Variants in ARHGEF16 observed in about 807,000 individuals in gnomAD.
ARHGEF16 encodes Rho guanine exchange factor (GEF) 16.
A neutral mutation model predicts 74.1 loss-of-function variants in ARHGEF16; 59 were observed. The ratio of observed to expected loss-of-function variants is 0.80; its 90% CI spans 0.65 to 0.99. ARHGEF16 has a LOEUF of 0.99. Ranked by LOEUF, ARHGEF16 falls within the 50% of genes least tolerant of loss-of-function variation. The pLI is 0.00. For missense variants in ARHGEF16, 948 were observed against 986.6 expected (o/e 0.96, Z 0.52); for synonymous variants, 415 against 412.6 (o/e 1.01, Z -0.07).
Position 3,467,191 on chromosome 1 carries a change from C to T in ARHGEF16, c.658C>T (p.Gln220Ter). ...AGACCCCCAGCTCTACCAGGAGATCCAGGAGCGGGGCCTGAACACCAGCCA... is the reference window on the plus strand; with the variant it reads ...AGACCCCCAGCTCTACCAGGAGATCTAGGAGCGGGGCCTGAACACCAGCCA... ...KDDPQLYQEI[Q>*]ERGLNTSQES... Residue 220 changes from glutamine (Q) to a stop codon, truncating the protein, a stop_gained, in exon 4 of 15, where the codon CAG (glutamine) becomes TAG (stop). Transcript: ENST00000378378. LOFTEE classifies it high-confidence loss of function. 6.4e-7 allele frequency: 1 copy of T among 1,550,596 alleles called. No individual in the cohort carries two copies. The highest frequency in any genetic ancestry group is 8.7e-7 in the Non-Finnish European group (1 of 1,146,812).
intron 12 of ARHGEF16, among the ~76,000 whole-genome samples, chr1:3,479,282 G>C (rs1255177162): frequency 6.6e-6 from 1 of 152,156 alleles, no homozygotes; most frequent in Non-Finnish European, 1.5e-5. Context: ...AAACGGGGTG[G>C]CCTCAGGTCC....
intron 4 of ARHGEF16, among the ~76,000 whole-genome samples, chr1:3,467,969 AG>A (rs1430328103): frequency 6.6e-6 from 1 of 152,052 alleles, no homozygotes; most frequent in Non-Finnish European, 1.5e-5. Context: ...CGCCATTCAG[AG>A]GGGCTGGCAC....
Position 3,478,581 on chromosome 1 carries a change from C to T in ARHGEF16, c.1783C>T (p.Gln595Ter). The change falls in exon 12 of 15, where the codon CAG (glutamine) becomes TAG (stop). Residue 595 changes from glutamine to a stop codon, truncating the protein, a stop_gained. Coordinates refer to ENST00000378378, the MANE Select transcript of ARHGEF16 (RefSeq NM_014448.4). LOFTEE classifies it high-confidence loss of function. Reference protein sequence around the residue: ...VTLLRNSEGRQEQLLLSSDSA... With the variant: ...VTLLRNSEGR ...CCTGCTTCGCAACAGCGAGGGCCGC[C>T]AGGAGCAGCTCCTGCTCTCCTCGGA... 2 of 1,612,184 alleles carry T rather than the reference C, an allele frequency of 1.2e-6. No homozygotes were observed. The highest frequency in any genetic ancestry group is 1.1e-5 in the South Asian group (1 of 90,986).
At chr1:3,474,960 G>T (rs1639844109) in intron 9 of ARHGEF16, among the ~76,000 whole-genome samples, 178 bp downstream of exon 9, 1 of 151,654 alleles carries the variant, frequency 6.6e-6, no homozygotes, top group Non-Finnish European at 1.5e-5. Flanking sequence ...GAGGCCCAGA[G>T]GTTCCCAGAT....
Position 3,476,385 on chromosome 1 carries a change from C to A in ARHGEF16, c.1473+323C>A, listed in dbSNP as rs766385189. On this transcript the variant is annotated intron_variant, in intron 10 of 14. Transcript: ENST00000378378. ...CAAGCCCAGGGGGCAACAGGAGTGG[C>A]CCTGTCAGTGCACTTGCCTGGGGCC... is the stretch of plus-strand genomic sequence containing the variant. Among the ~76,000 whole-genome samples, 62 of 152,298 alleles carry A rather than the reference C, an allele frequency of 4.1e-4. 1 individual carries two copies. The highest frequency in any genetic ancestry group is 6.8e-3 in the Middle Eastern group (2 of 294).
intron 10 of ARHGEF16, among the ~76,000 whole-genome samples, chr1:3,477,141 G>C (rs370964687): frequency 2.0e-5 from 3 of 151,646 alleles, no homozygotes; most frequent in Non-Finnish European, 4.4e-5. Flanking sequence ...CGGGGGCTCT[G>C]AGTCTGTAGT....
intron 1 of ARHGEF16, among the ~76,000 whole-genome samples, chr1:3,462,854 C>T (rs1309477419): frequency 6.6e-6 from 1 of 152,236 alleles, no homozygotes. Context: ...CTGTGTCCAG[C>T]CTCCGGCCTC....
At chr1:3,469,969 G>A (rs984749571) in intron 6 of ARHGEF16, among the ~76,000 whole-genome samples, 2 of 152,274 alleles carry the variant, frequency 1.3e-5, no homozygotes, top group Admixed American at 6.5e-5. Flanking sequence ...GAAGCCTCGA[G>A]TTGCAGCTCT....
Position 3,480,328 on chromosome 1 carries a change from G to A in ARHGEF16, c.1991-120G>A, listed in dbSNP as rs935276362. The A allele has an allele frequency of 7.9e-6, 11 of 1,397,126 alleles. No homozygotes were observed. In the South Asian group the frequency reaches 1.1e-4, roughly 14 times the overall value. The allele number at this position is 1,397,126 out of a possible 1,614,324, so 86.5% of individuals were successfully genotyped here. ...CCTCAGCAGCTGTCTGCTCTGAGCA[G>A]GAGCAGGTGGTCAGTTCTAGGAGAA... On this transcript the variant is annotated intron_variant, in intron 14 of 14. Coordinates refer to ENST00000378378, the MANE Select transcript of ARHGEF16 (RefSeq NM_014448.4).
chr1:3,469,078 C>T (rs1379810875), intron 5 of ARHGEF16, 142 bp downstream of exon 5: 1 of 1,063,764 alleles, frequency 9.4e-7, no homozygotes, highest in African/African-American at 1.6e-5. Flanking sequence ...CTGACCAGCG[C>T]CTCACACAGC....
intron 8 of ARHGEF16, 52 bp downstream of exon 8, chr1:3,473,574 G>A (rs773862010): frequency 1.8e-5 from 29 of 1,599,168 alleles, no homozygotes; most frequent in South Asian, 1.8e-4. Flanking sequence ...GGGGTCCCAC[G>A]GCCAGAGCCC....
intron 10 of ARHGEF16, among the ~76,000 whole-genome samples, chr1:3,477,608 G>C (rs1056628094): frequency 6.6e-6 from 1 of 151,472 alleles, no homozygotes; most frequent in East Asian, 2.0e-4. Context: ...TCCTGGCTTG[G>C]GTGAAATGTT....
chr1:3,465,272 G>A (rs937536077), intron 2 of ARHGEF16, among the ~76,000 whole-genome samples: 12 of 152,260 alleles, frequency 7.9e-5, no homozygotes, highest in Non-Finnish European at 1.6e-4. Flanking sequence ...GGAGAATGCC[G>A]AGGGCTGGGC....
At chr1:3,474,684 G>T (rs1006327751) in intron 8 of ARHGEF16, 24 bp from the exon 9 acceptor site, 1 of 1,608,506 alleles carries the variant, frequency 6.2e-7, no homozygotes, top group Admixed American at 1.7e-5. Flanking sequence ...GGGACTTTCT[G>T]TCCCATGTCT....
At chr1:3,476,295 T>G (rs1639872204) in intron 10 of ARHGEF16, among the ~76,000 whole-genome samples, 1 of 152,122 alleles carries the variant, frequency 6.6e-6, no homozygotes, top group Non-Finnish European at 1.5e-5. Context: ...TGGGTGGGCC[T>G]CTGTGGCCCT....
At chr1:3,479,724 C>A in intron 13 of ARHGEF16, 88 bp from the exon 14 acceptor site, 1 of 1,564,326 alleles carries the variant, frequency 6.4e-7, no homozygotes, top group East Asian at 2.3e-5. Context: ...TGCCCCGGCC[C>A]CGGGGGATGT....
chr1:3,466,088 G>A (rs1639535177), intron 2 of ARHGEF16, 60 bp from the exon 3 acceptor site: 25 of 1,536,012 alleles, frequency 1.6e-5, no homozygotes, highest in Admixed American at 2.0e-5. Context: ...GGGCAGAATC[G>A]CCGTGGGCAA....
At chr1:3,456,975 C>T (rs1448595389) in intron 1 of ARHGEF16, among the ~76,000 whole-genome samples, 1 of 152,210 alleles carries the variant, frequency 6.6e-6, no homozygotes. Flanking sequence ...CTACCGCAGC[C>T]CTAGGGACCT....
At chr1:3,477,824 T>C (rs1170103185) in intron 10 of ARHGEF16, 51 bp from the exon 11 acceptor site, 2 of 1,586,312 alleles carry the variant, frequency 1.3e-6, no homozygotes, top group Admixed American at 1.7e-5. Context: ...CCCGGCTCTG[T>C]CCCCCCCAGT....
Sources: gnomAD v4.1 joint callset for allele counts (sites outside exome capture counted in the v4.1 genomes callset) on GRCh38, gnomAD v4.1.1 for gene constraint, MANE v1.5 for transcripts, NCBI Gene and HGNC (gene_info 2026-07-23, HGNC 2026-07-21) for gene names.